RORA: variants seen among roughly 807,000 people sequenced by gnomAD.
RORA encodes nuclear receptor ROR-alpha.
In RORA, 7 loss-of-function variants were observed where a neutral mutation model predicts 69.5. That is an observed-to-expected ratio of 0.10 (90% CI 0.06 to 0.19). RORA has a LOEUF of 0.19. RORA is among the 10% of genes least tolerant of loss of function. The probability of loss-of-function intolerance (pLI) is 1.00; values close to 1 mark genes in which losing one functional copy is unlikely to be tolerated. For missense variants in RORA, 457 were observed against 663.0 expected (o/e 0.69, Z 3.41); for synonymous variants, 261 against 240.8 (o/e 1.08, Z -0.78).
chr15:61,071,239 AG>A (rs1464615316), intron 1 of RORA, among the ~76,000 whole-genome samples: 1 of 6,618 alleles, frequency 1.5e-4, no homozygotes, highest in Non-Finnish European at 2.8e-4. Context: ...AAGGGAGGGG[AG>A]GGGAAGGGAA....
chr15:61,181,724 T>G (rs1215157881), intron 1 of RORA, among the ~76,000 whole-genome samples: 1 of 146,742 alleles, frequency 6.8e-6, no homozygotes. Flanking sequence ...GTCATTTCCA[T>G]GTTCAGCTTT....
intron 2 of RORA, among the ~76,000 whole-genome samples, chr15:60,626,357 G>A (rs1467187275): frequency 6.6e-6 from 1 of 152,176 alleles, no homozygotes; most frequent in African/African-American, 2.4e-5. Context: ...TCTGACCAGG[G>A]ATCGTTTTGA....
chr15:60,877,109 A>G (rs1250512709), intron 1 of RORA, among the ~76,000 whole-genome samples: 1 of 152,254 alleles, frequency 6.6e-6, no homozygotes, highest in Non-Finnish European at 1.5e-5. Context: ...AGTTAAAAAA[A>G]TACTTTGCAG....
chr15:61,035,661 C>T (rs574030270), intron 1 of RORA, among the ~76,000 whole-genome samples: 2 of 152,124 alleles, frequency 1.3e-5, no homozygotes, highest in Non-Finnish European at 2.9e-5. Flanking sequence ...TGATAGGTGT[C>T]TGAATCACTC....
At chr15:60,896,853 A>G (rs1190454488) in intron 1 of RORA, among the ~76,000 whole-genome samples, 2 of 151,564 alleles carry the variant, frequency 1.3e-5, no homozygotes, top group Non-Finnish European at 2.9e-5. Flanking sequence ...AAGTCACTTA[A>G]CCTCTAAGAG....
At chr15:60,699,779 T>C (rs2070956300) in intron 1 of RORA, among the ~76,000 whole-genome samples, 1 of 152,136 alleles carries the variant, frequency 6.6e-6, no homozygotes, top group Admixed American at 6.6e-5. Context: ...AGTTTTTGCC[T>C]GCCACAATAA....
intron 1 of RORA, among the ~76,000 whole-genome samples, chr15:60,800,922 G>A (rs1017613711): frequency 6.6e-6 from 1 of 152,176 alleles, no homozygotes; most frequent in Non-Finnish European, 1.5e-5. Context: ...CCTCTCAAGG[G>A]CAGGGGCCAC....
chr15:61,108,195 G>A (rs767426896), intron 1 of RORA, among the ~76,000 whole-genome samples: 1 of 152,076 alleles, frequency 6.6e-6, no homozygotes, highest in Non-Finnish European at 1.5e-5. Context: ...CCCTAGTACC[G>A]ATCCTGATCT....
intron 1 of RORA, among the ~76,000 whole-genome samples, chr15:60,916,986 C>T (rs1341175319): frequency 6.6e-6 from 1 of 152,196 alleles, no homozygotes; most frequent in Admixed American, 6.5e-5. Context: ...AATTCCCCAT[C>T]GCACTGGTGA....
At chr15:60,564,934 C>T (rs745454880) in intron 2 of RORA, among the ~76,000 whole-genome samples, 3 of 152,096 alleles carry the variant, frequency 2.0e-5, no homozygotes, top group Non-Finnish European at 4.4e-5. Flanking sequence ...AAATTTAATG[C>T]CAGAACCAAC....
intron 1 of RORA, among the ~76,000 whole-genome samples, chr15:60,960,876 C>A (rs1449449570): frequency 6.6e-6 from 1 of 152,122 alleles, no homozygotes; most frequent in African/African-American, 2.4e-5. Flanking sequence ...AACCTCAAAG[C>A]AACCCAAGAG....
At chr15:60,502,635 G>A (rs1475796516) in intron 8 of RORA, 125 bp downstream of exon 8, 4 of 709,158 alleles carry the variant, frequency 5.6e-6, no homozygotes, top group Non-Finnish European at 9.9e-6. Context: ...AGTAAAATAG[G>A]TATAAAACCC....
At chr15:61,180,959 C>A (rs2079679215) in intron 1 of RORA, among the ~76,000 whole-genome samples, 1 of 152,068 alleles carries the variant, frequency 6.6e-6, no homozygotes, top group African/African-American at 2.4e-5. Flanking sequence ...TAAAAATTAT[C>A]TGGGTGTGGT....
intron 5 of RORA, among the ~76,000 whole-genome samples, chr15:60,508,485 A>G (rs959070212): frequency 3.9e-5 from 6 of 152,252 alleles, no homozygotes; most frequent in Non-Finnish European, 7.3e-5. Flanking sequence ...CCAGTCCCAC[A>G]TAATTTGTGT....
intron 2 of RORA, among the ~76,000 whole-genome samples, chr15:60,564,230 T>G (rs2067653643): frequency 6.6e-6 from 1 of 152,228 alleles, no homozygotes; most frequent in Admixed American, 6.5e-5. Context: ...TCCCCTCATC[T>G]GTAGAATGGT....
chr15:61,106,820 G>C (rs2078954139), intron 1 of RORA, among the ~76,000 whole-genome samples: 1 of 152,196 alleles, frequency 6.6e-6, no homozygotes, highest in South Asian at 2.1e-4. Flanking sequence ...TAACACAAAT[G>C]CATTTTTATT....
chr15:60,540,365 A>C (rs887665029), intron 2 of RORA, among the ~76,000 whole-genome samples: 3 of 152,180 alleles, frequency 2.0e-5, no homozygotes, highest in African/African-American at 7.2e-5. Flanking sequence ...GTTTCTGCTC[A>C]ACCGAAAACA....
chr15:60,913,724 G>C (rs1467156054), intron 1 of RORA, among the ~76,000 whole-genome samples: 1 of 152,180 alleles, frequency 6.6e-6, no homozygotes, highest in Non-Finnish European at 1.5e-5. Flanking sequence ...GATGACTATA[G>C]AATCTGCTTA....
intron 2 of RORA, among the ~76,000 whole-genome samples, chr15:60,618,047 G>A (rs2069303498): frequency 6.6e-6 from 1 of 152,234 alleles, no homozygotes; most frequent in Non-Finnish European, 1.5e-5. Context: ...TTAATTATCA[G>A]TTAGGAATAG....
Sources: allele counts gnomAD v4.1 joint callset (sites outside exome capture counted in the v4.1 genomes callset), GRCh38; gene constraint gnomAD v4.1.1; transcripts MANE v1.5; gene names NCBI Gene and HGNC (gene_info 2026-07-23, HGNC 2026-07-21).